The following SF3B3 variants were observed in gnomAD, a reference collection of about 807,000 sequenced individuals.
The protein encoded by SF3B3 is splicing factor 3b subunit 3.
SF3B3 carries 33 observed loss-of-function variants against 139.2 expected under a neutral mutation model. That is an observed-to-expected ratio of 0.24 (90% CI 0.18 to 0.32). The LOEUF (loss-of-function observed/expected upper bound fraction) is 0.32, where lower values mean the gene tolerates loss of function less well. Among genes scored for constraint, SF3B3 ranks in the 10% least tolerant of loss-of-function variants. The probability of loss-of-function intolerance (pLI) is 1.00; values close to 1 mark genes in which losing one functional copy is unlikely to be tolerated. For synonymous variants in SF3B3, 596 were observed against 563.6 expected (o/e 1.06, Z -0.81); for missense variants, 818 against 1,509.4 (o/e 0.54, Z 7.59).
Position 70,555,092 on chromosome 16 carries a change from A to G in SF3B3, c.1596A>G (p.Arg532=), listed in dbSNP as rs771097184. 1 of 1,614,062 alleles carries G rather than the reference A, an allele frequency of 6.2e-7. No individual in the cohort carries two copies. Among genetic ancestry groups the G allele is most frequent in the African/African-American group, 1.3e-5 (1 of 74,924 alleles). The stretch of plus-strand genomic sequence containing the variant: ...TTCGGCACATACGAGCAGACAAGAG[A>G]GTCAATGAGTGGAAGACCCCTGGAA... ...DGIRHIRADK[R]VNEWKTPGKK... is the part of the protein sequence containing the mutation. Residue 532 remains arginine, a synonymous_variant, in exon 13 of 26, where the codon AGA becomes AGG. Transcript: ENST00000302516.
At chr16:70,556,864 A>C in intron 14 of SF3B3, 22 bp from the exon 15 acceptor site, 1 of 1,613,558 alleles carries the variant, frequency 6.2e-7, no homozygotes, top group Non-Finnish European at 8.5e-7. Context: ...CTGTGTTTTT[A>C]TGATTTTTCT....
At chr16:70,536,832 A>G (rs1177814896) in intron 6 of SF3B3, among the ~76,000 whole-genome samples, 3 of 123,288 alleles carry the variant, frequency 2.4e-5, no homozygotes, top group Non-Finnish European at 4.9e-5. Context: ...TTTTTTTAAG[A>G]TGGTGTCTTG....
At chr16:70,524,044 G>A (rs933886877) in intron 1 of SF3B3, 116 bp downstream of exon 1, 8 of 399,258 alleles carry the variant, frequency 2.0e-5, no homozygotes, top group East Asian at 1.1e-4. Context: ...AGAGGCTGGG[G>A]ACCAGGAGGA....
At position 70,572,209 on chromosome 16, in the gene SF3B3, C is replaced by G. The variant is rs2050536069; in HGVS notation, c.*396C>G. 4 of 449,086 alleles carry G rather than the reference C, an allele frequency of 8.9e-6. No homozygotes were observed. Among genetic ancestry groups the G allele is most frequent in the Middle Eastern group, 3.3e-4 (1 of 3,066 alleles). 27.8% of individuals were successfully genotyped at this position (449,086 alleles called of 1,614,324 possible). On this transcript the variant is annotated 3_prime_UTR_variant, in exon 26 of 26. Transcript: ENST00000302516. The stretch of plus-strand genomic sequence containing the variant: ...ATCTCTGTGGGAGGAAGGAGGCAGG[C>G]TGTGGTGGGACTGGGTAGGGTATAG...
At chr16:70,526,882 A>T in intron 2 of SF3B3, 156 bp downstream of exon 2, 1 of 614,672 alleles carries the variant, frequency 1.6e-6, no homozygotes, top group South Asian at 2.0e-5. Flanking sequence ...GTTCTGGTGC[A>T]TTATCTGTTA....
At chr16:70,540,185 G>T (rs1179079785) in intron 8 of SF3B3, among the ~76,000 whole-genome samples, 3 of 149,844 alleles carry the variant, frequency 2.0e-5, no homozygotes, top group African/African-American at 7.3e-5. Context: ...ACCTGAGGTC[G>T]GGAGTTCGAG....
intron 20 of SF3B3, 65 bp downstream of exon 20, chr16:70,565,589 G>A: frequency 6.7e-7 from 1 of 1,484,926 alleles, no homozygotes. Flanking sequence ...TTTTGCTTAT[G>A]TTATGGATCA....
intron 8 of SF3B3, among the ~76,000 whole-genome samples, chr16:70,540,026 C>T (rs116670462): frequency 4.1e-4 from 62 of 150,648 alleles, no homozygotes; most frequent in African/African-American, 1.5e-3. Context: ...TCGCCTGCCT[C>T]GACCTCCCAA....
Position 70,544,516 on chromosome 16 carries a change from C to T in SF3B3, c.1312C>T (p.Leu438=). 1.9e-6 allele frequency: 3 copies of T among 1,606,016 alleles called. No homozygotes were observed. The highest frequency in any genetic ancestry group is 1.7e-6 in the Non-Finnish European group (2 of 1,172,674). ...GGGACCCCGATCATCTCTGAGAGTCCTAAGACATGGACTTGAGGTAAGGTT... is the reference window on the plus strand; with the variant it reads ...GGGACCCCGATCATCTCTGAGAGTCTTAAGACATGGACTTGAGGTAAGGTT... The part of the protein sequence containing the change: ...GRGPRSSLRV[L]RHGLEVSEMA... The change falls in exon 10 of 26, where the codon CTA becomes TTA. Residue 438 remains leucine, a synonymous_variant. Transcript: ENST00000302516.
At chr16:70,566,262 T>C (rs1169699038) in intron 20 of SF3B3, among the ~76,000 whole-genome samples, 5 of 151,728 alleles carry the variant, frequency 3.3e-5, no homozygotes, top group Non-Finnish European at 5.9e-5. Context: ...GCCACTGAAG[T>C]GTATACTTAA....
intron 11 of SF3B3, among the ~76,000 whole-genome samples, chr16:70,553,864 T>A (rs1263677083): frequency 6.6e-6 from 1 of 152,186 alleles, no homozygotes; most frequent in Non-Finnish European, 1.5e-5. Flanking sequence ...AGAATAACAA[T>A]ATAAACAACC....
rs1353455273 is a variant in SF3B3, at chr16:70,563,813, A to G, written c.2289-63A>G. On this transcript the variant is annotated intron_variant, in intron 17 of 25. Coordinates refer to ENST00000302516, the MANE Select transcript of SF3B3 (RefSeq NM_012426.5). The stretch of plus-strand genomic sequence containing the variant: ...CGTGTTTGCTGACTGCTCAAAGTCT[A>G]TTTCAACACCAGTTTCTGGGTCCGA... The G allele has an allele frequency of 3.3e-6, 5 of 1,530,022 alleles. No individual in the cohort carries two copies. The Admixed American group carries it at 5.1e-5, about 16-fold the overall frequency. The allele number at this position is 1,530,022 out of a possible 1,614,324, so 94.8% of individuals were successfully genotyped here. A position where few individuals can be genotyped will look rare whatever the true frequency, so the allele number is the denominator to read the frequency against.
Position 70,572,252 on chromosome 16 carries a change from A to G in SF3B3, c.*439A>G, listed in dbSNP as rs1138424. On this transcript the variant is annotated 3_prime_UTR_variant, in exon 26 of 26. Transcript: ENST00000302516. ...GGGTATAGTATCACTCCTGAGTTCC[A>G]CTGCTCTAGAATCTAACCAGAAATA... is the stretch of plus-strand genomic sequence containing the variant. 3 of 374,028 alleles carry G rather than the reference A, an allele frequency of 8.0e-6. No individual in the cohort carries two copies. The highest frequency in any genetic ancestry group is 6.0e-5 in the South Asian group (3 of 49,640). 23.2% of individuals were successfully genotyped at this position (374,028 alleles called of 1,614,324 possible).
Position 70,577,297 on chromosome 16 carries a change from C to T in SF3B3, c.*5484C>T, listed in dbSNP as rs2050589229. ...TGCTTTGAAAGAAAGGGGCATCATT[C>T]CAAGCCAAGAGGCCCCAGAGAGGGC... On this transcript the variant is annotated 3_prime_UTR_variant, in exon 26 of 26. Coordinates refer to ENST00000302516, the MANE Select transcript of SF3B3 (RefSeq NM_012426.5). 6.6e-6 allele frequency: 1 copy of T among 152,274 alleles called. No homozygotes were observed. 9.4% of individuals were successfully genotyped at this position (152,274 alleles called of 1,614,324 possible). A position where few individuals can be genotyped will look rare whatever the true frequency, so the allele number is the denominator to read the frequency against.
In SF3B3 at chr16:70,574,010, G is replaced by T. The variant is rs1597726998; in HGVS notation, c.*2197G>T. The T allele has an allele frequency of 6.6e-6, 1 of 152,190 alleles. No homozygotes were observed. Among genetic ancestry groups the T allele is most frequent in the African/African-American group, 2.4e-5 (1 of 41,428 alleles). The allele number at this position is 152,190 out of a possible 1,614,324, so 9.4% of individuals were successfully genotyped here. Reference sequence around the variant, plus strand: ...GTGTAAATGTATTGCTAGTGAGACAGCTGCCGGCGCTGGAAAAGGCTCGTC... The same window carrying T: ...GTGTAAATGTATTGCTAGTGAGACATCTGCCGGCGCTGGAAAAGGCTCGTC... On this transcript the variant is annotated 3_prime_UTR_variant, in exon 26 of 26. Transcript: ENST00000302516.
At chr16:70,537,673 G>A (rs1337614418) in intron 6 of SF3B3, among the ~76,000 whole-genome samples, 2 of 152,114 alleles carry the variant, frequency 1.3e-5, no homozygotes, top group African/African-American at 4.8e-5. Flanking sequence ...ATTAGACATT[G>A]AGCACCTAAC....
At chr16:70,529,251 T>C in intron 3 of SF3B3, 52 bp downstream of exon 3, 1 of 1,469,164 alleles carries the variant, frequency 6.8e-7, no homozygotes. Flanking sequence ...ATAACAATGC[T>C]GTGCTCTTGG....
intron 11 of SF3B3, among the ~76,000 whole-genome samples, chr16:70,549,309 A>G (rs2050298892): frequency 6.6e-6 from 1 of 152,244 alleles, no homozygotes; most frequent in Non-Finnish European, 1.5e-5. Context: ...ACAACTTACT[A>G]TTAGTAGAAT....
intron 8 of SF3B3, among the ~76,000 whole-genome samples, chr16:70,540,418 C>G (rs1044584631): frequency 2.0e-5 from 3 of 151,854 alleles, no homozygotes; most frequent in Non-Finnish European, 4.4e-5. Flanking sequence ...AAGACAGAGT[C>G]TTACTCTGTT....
Sources: allele counts gnomAD v4.1 joint callset (sites outside exome capture counted in the v4.1 genomes callset), GRCh38; gene constraint gnomAD v4.1.1; transcripts MANE v1.5; gene names NCBI Gene and HGNC (gene_info 2026-07-23, HGNC 2026-07-21).